The following PHACTR1 variants were observed in gnomAD, a reference collection of about 807,000 sequenced individuals.
PHACTR1 encodes the protein RPEL repeat containing 1.
A neutral mutation model predicts 69.2 loss-of-function variants in PHACTR1; 16 were observed. The observed-to-expected ratio is 0.23, with a 90% CI of 0.16 to 0.35. The LOEUF (loss-of-function observed/expected upper bound fraction) is 0.35, where lower values mean the gene tolerates loss of function less well. Ranked by LOEUF, PHACTR1 falls within the 10% of genes least tolerant of loss-of-function variation. PHACTR1 has a pLI of 1.00. For synonymous variants in PHACTR1, 312 were observed against 284.5 expected, an observed-to-expected ratio of 1.10 and a Z score of -0.97; for missense variants, 510 against 734.7, an observed-to-expected ratio of 0.69 and a Z score of 3.54.
intron 10 of PHACTR1, among the ~76,000 whole-genome samples, chr6:13,250,417 C>T (rs73357182): frequency 0.057 from 8,618 of 152,202 alleles, 707 homozygotes; most frequent in African/African-American, 0.19. Flanking sequence ...ATATAGCATA[C>T]AGATTATGCT....
At chr6:12,718,874 T>A (rs1761740980) in intron 3 of PHACTR1, 27 bp downstream of exon 3, 2 of 1,437,180 alleles carry the variant, frequency 1.4e-6, no homozygotes, top group Non-Finnish European at 1.9e-6. Flanking sequence ...AAGAAATTCC[T>A]CTTATTTGCA....
intron 5 of PHACTR1, among the ~76,000 whole-genome samples, chr6:13,152,946 C>G (rs1336519248): frequency 6.6e-6 from 1 of 151,220 alleles, no homozygotes; most frequent in Non-Finnish European, 1.5e-5. Flanking sequence ...TCAGTGGGCT[C>G]TGTCACATAG....
chr6:13,063,488 T>C (rs565216359), intron 5 of PHACTR1, among the ~76,000 whole-genome samples: 1 of 152,018 alleles, frequency 6.6e-6, no homozygotes, highest in East Asian at 1.9e-4. Context: ...TAAAAAGAAA[T>C]TATGTCCAGT....
intron 8 of PHACTR1, among the ~76,000 whole-genome samples, chr6:13,221,883 A>G (rs1278843181): frequency 2.0e-5 from 3 of 152,166 alleles, no homozygotes; most frequent in African/African-American, 4.8e-5. Flanking sequence ...TAAAAATATA[A>G]TAATTAGCCA....
At chr6:12,965,832 A>C (rs1209039155) in intron 4 of PHACTR1, among the ~76,000 whole-genome samples, 1 of 152,156 alleles carries the variant, frequency 6.6e-6, no homozygotes, top group Admixed American at 6.5e-5. Context: ...AACTGCCATA[A>C]ATAGTGAGAC....
At chr6:13,099,169 C>T (rs958978956) in intron 5 of PHACTR1, among the ~76,000 whole-genome samples, 3 of 152,230 alleles carry the variant, frequency 2.0e-5, no homozygotes, top group African/African-American at 7.2e-5. Flanking sequence ...CCATCTCTGT[C>T]TAAATGTAAC....
chr6:13,072,306 C>T (rs1048482847), intron 5 of PHACTR1, among the ~76,000 whole-genome samples: 2 of 152,096 alleles, frequency 1.3e-5, no homozygotes, highest in Non-Finnish European at 2.9e-5. Context: ...TGTTTGTCAC[C>T]AACAGCATGC....
At chr6:13,051,683 G>A (rs1408993964) in intron 4 of PHACTR1, among the ~76,000 whole-genome samples, 10 of 152,116 alleles carry the variant, frequency 6.6e-5, no homozygotes, top group Admixed American at 3.3e-4. Context: ...GACCTCCCTC[G>A]AGGTCTTCTC....
chr6:13,248,173 G>A (rs548141392), intron 10 of PHACTR1, among the ~76,000 whole-genome samples: 1 of 152,250 alleles, frequency 6.6e-6, no homozygotes, highest in African/African-American at 2.4e-5. Context: ...TCTCTTCACA[G>A]TTCTTAATGA....
intron 7 of PHACTR1, among the ~76,000 whole-genome samples, chr6:13,195,253 T>C (rs1286253280): frequency 4.6e-5 from 7 of 152,174 alleles, no homozygotes; most frequent in Non-Finnish European, 1.5e-5. Flanking sequence ...CCCTTTATTA[T>C]AGTCCACCAT....
At chr6:13,225,732 G>A (rs186538791) in intron 8 of PHACTR1, among the ~76,000 whole-genome samples, 77 of 152,188 alleles carry the variant, frequency 5.1e-4, no homozygotes, top group Non-Finnish European at 6.9e-4. Context: ...CCCAGCTCCC[G>A]GCTGCCGTTA....
At chr6:12,933,861 G>T in intron 4 of PHACTR1, 1 of 1,612,704 alleles carries the variant, frequency 6.2e-7, no homozygotes, top group Non-Finnish European at 8.5e-7. Flanking sequence ...AGGGTGGTTT[G>T]GCTGCCTTTA....
At chr6:13,232,298 C>T (rs1237083732) in intron 10 of PHACTR1, among the ~76,000 whole-genome samples, 1 of 152,348 alleles carries the variant, frequency 6.6e-6, no homozygotes, top group South Asian at 2.1e-4. Context: ...ATTTATTTTG[C>T]TACCTAAGAG....
intron 5 of PHACTR1, among the ~76,000 whole-genome samples, chr6:13,091,476 G>A (rs879520304): frequency 9.2e-5 from 14 of 152,258 alleles, no homozygotes; most frequent in African/African-American, 3.1e-4. Context: ...TTAGAGCAGC[G>A]GTCCCCAGCT....
intron 4 of PHACTR1, among the ~76,000 whole-genome samples, chr6:12,869,321 C>T (rs1160219397): frequency 1.3e-5 from 2 of 152,216 alleles, no homozygotes; most frequent in Non-Finnish European, 2.9e-5. Flanking sequence ...CTAATCCAGT[C>T]CTGTCTCACA....
At position 12,722,519 on chromosome 6, in the gene PHACTR1, G is replaced by A. The variant is rs145284534; in HGVS notation, c.103+3672G>A. On this transcript the variant is annotated intron_variant, in intron 3 of 14. Coordinates refer to ENST00000332995, the MANE Select transcript of PHACTR1 (RefSeq NM_030948.6). ...AATAGCCTTCCCTTGAATAGAGGACGTTTTAGCTAGTTAAAGCAAGAGGAA... is the reference window on the plus strand; with the variant it reads ...AATAGCCTTCCCTTGAATAGAGGACATTTTAGCTAGTTAAAGCAAGAGGAA... Among the ~76,000 whole-genome samples the A allele has an allele frequency of 5.4e-4, 82 of 152,308 alleles. No homozygotes were observed. In the East Asian group the frequency reaches 0.014, roughly 27 times the overall value.
intron 4 of PHACTR1, among the ~76,000 whole-genome samples, chr6:12,892,332 G>T (rs1030311969): frequency 6.6e-6 from 1 of 152,182 alleles, no homozygotes; most frequent in African/African-American, 2.4e-5. Context: ...GTGAGGGAGG[G>T]TTTCACTTTA....
intron 3 of PHACTR1, among the ~76,000 whole-genome samples, chr6:12,747,412 C>G (rs1765925766): frequency 6.6e-6 from 1 of 151,916 alleles, no homozygotes; most frequent in Admixed American, 6.6e-5. Flanking sequence ...GCTTGTATTC[C>G]CAGCAGTTTG....
intron 14 of PHACTR1, among the ~76,000 whole-genome samples, 192 bp from the exon 15 acceptor site, chr6:13,286,871 G>A (rs563938408): frequency 3.9e-5 from 6 of 152,322 alleles, no homozygotes; most frequent in African/African-American, 1.2e-4. Flanking sequence ...AGGAGGTGGA[G>A]GCCACCAGGG....
Sources: allele counts gnomAD v4.1 joint callset (sites outside exome capture counted in the v4.1 genomes callset), GRCh38; gene constraint gnomAD v4.1.1; transcripts MANE v1.5; gene names NCBI Gene and HGNC (gene_info 2026-07-23, HGNC 2026-07-21).